FSTL5: variants seen among roughly 807,000 people sequenced by gnomAD.
FSTL5 encodes follistatin-related protein 5.
A neutral mutation model predicts 89.1 loss-of-function variants in FSTL5; 62 were observed. The ratio of observed to expected loss-of-function variants is 0.70; its 90% confidence interval spans 0.57 to 0.86. The LOEUF is 0.86. Ranked by LOEUF, FSTL5 falls within the 40% of genes least tolerant of loss-of-function variation. The pLI is 0.00. For missense variants in FSTL5, 1,057 were observed against 1,001.6 expected, an observed-to-expected ratio of 1.06 and a Z score of -0.75; for synonymous variants, 383 against 346.2, an observed-to-expected ratio of 1.11 and a Z score of -1.18.
At chr4:161,498,614 T>C (rs778239479) in intron 12 of FSTL5, among the ~76,000 whole-genome samples, 7 of 152,176 alleles carry the variant, frequency 4.6e-5, no homozygotes, top group Admixed American at 6.5e-5. Context: ...ATGTGTGTCG[T>C]TAGCTGCAAA....
chr4:161,872,356 G>T (rs975163318), intron 4 of FSTL5, among the ~76,000 whole-genome samples: 1 of 151,980 alleles, frequency 6.6e-6, no homozygotes, highest in East Asian at 1.9e-4. Flanking sequence ...ATATTGCTTA[G>T]TTGAAAAATA....
At position 161,508,786 on chromosome 4, in the gene FSTL5, G is replaced by C. The variant is rs1425039197; in HGVS notation, c.1339+1612C>G. Among the ~76,000 whole-genome samples the C allele has an allele frequency of 5.9e-5, 9 of 151,984 alleles. No homozygotes were observed. The East Asian group carries it at 1.7e-3, about 29-fold the overall frequency. ...TGATTTACATAGCACAGATTTGTGAGGTGAGTGCCAAATCTATTTCAAATA... is the reference window on the plus strand; with the variant it reads ...TGATTTACATAGCACAGATTTGTGACGTGAGTGCCAAATCTATTTCAAATA... On this transcript the variant is annotated intron_variant, in intron 11 of 15. Transcript: ENST00000306100.
At chr4:161,450,298 T>C (rs542914469) in intron 15 of FSTL5, among the ~76,000 whole-genome samples, 1 of 152,338 alleles carries the variant, frequency 6.6e-6, no homozygotes, top group African/African-American at 2.4e-5. Context: ...TAGTTGCACC[T>C]GCACAGCAAG....
chr4:161,487,760 A>T (rs1729729983), intron 12 of FSTL5, among the ~76,000 whole-genome samples: 1 of 152,084 alleles, frequency 6.6e-6, no homozygotes, highest in Admixed American at 6.6e-5. Context: ...ATTGCTGTAA[A>T]TTTTAAAAGT....
intron 3 of FSTL5, among the ~76,000 whole-genome samples, chr4:161,987,650 T>C (rs1207465954): frequency 1.3e-5 from 2 of 148,276 alleles, no homozygotes; most frequent in African/African-American, 2.4e-5. Context: ...ATATATTTTA[T>C]TGAAATATAT....
chr4:162,141,694 G>A (rs1169157025), intron 1 of FSTL5, among the ~76,000 whole-genome samples: 1 of 152,250 alleles, frequency 6.6e-6, no homozygotes, highest in East Asian at 1.9e-4. Context: ...GGCGGGAAGA[G>A]GAGAAGATAA....
intron 4 of FSTL5, among the ~76,000 whole-genome samples, chr4:161,900,195 A>AAAAAG (rs1269997338): frequency 6.6e-6 from 1 of 151,930 alleles, no homozygotes; most frequent in Non-Finnish European, 1.5e-5. Context: ...GCTCTGTCTC[A>AAAAAG]AAAAGAAAAG....
At position 161,598,124 on chromosome 4, in the gene FSTL5, C is replaced by A. The variant is rs1394276246; in HGVS notation, c.895-10549G>T. Among the ~76,000 whole-genome samples the A allele has an allele frequency of 2.6e-5, 4 of 152,248 alleles. No homozygotes were observed. The South Asian group carries it at 6.2e-4, about 24-fold the overall frequency. On this transcript the variant is annotated intron_variant, in intron 7 of 15. Transcript: ENST00000306100. The stretch of plus-strand genomic sequence containing the variant: ...CAATAGCTCATGGCTGTAATCCCAG[C>A]AGTTTGGGAGGTTGAGGCGGGTAGA...
chr4:161,391,233 T>C (rs977253256), intron 15 of FSTL5, among the ~76,000 whole-genome samples: 1 of 152,226 alleles, frequency 6.6e-6, no homozygotes, highest in African/African-American at 2.4e-5. Flanking sequence ...ATTTGTATTA[T>C]GGGAATTTTA....
chr4:161,691,174 A>C lies in FSTL5; in HGVS notation c.728-34680T>G, dbSNP rs1057506398. 4.0e-5 allele frequency among the ~76,000 whole-genome samples: 6 copies of C among 151,862 alleles called. No individual in the cohort carries two copies. The East Asian group carries it at 1.2e-3, about 29-fold the overall frequency. ...GTTTTTTTTTCTAAAAATTCTATAG[A>C]TTTAACTTTATTATTCAGTTCATTC... On this transcript the variant is annotated intron_variant, in intron 6 of 15. Coordinates refer to ENST00000306100, the MANE Select transcript of FSTL5 (RefSeq NM_020116.5).
At chr4:162,086,564 G>A (rs1730329763) in intron 2 of FSTL5, among the ~76,000 whole-genome samples, 1 of 151,674 alleles carries the variant, frequency 6.6e-6, no homozygotes, top group African/African-American at 2.4e-5. Context: ...TTGGAAAATT[G>A]ATGCCATCTA....
chr4:161,696,135 A>G (rs929024325), intron 6 of FSTL5, among the ~76,000 whole-genome samples: 7 of 152,174 alleles, frequency 4.6e-5, no homozygotes, highest in African/African-American at 9.7e-5. Context: ...TGATTTTTGT[A>G]TAAGGTGAAT....
In FSTL5 at chr4:161,888,721, A is replaced by T. The variant is rs906113708; in HGVS notation, c.409+31683T>A. On this transcript the variant is annotated intron_variant, in intron 4 of 15. Transcript: ENST00000306100. ...CAGTAATCAACTTTTATACTTTAGG[A>T]AGTCATGATTTGATTCTGTCTCTTC... 5.6e-4 allele frequency among the ~76,000 whole-genome samples: 85 copies of T among 152,112 alleles called. 1 individual carries two copies. Among genetic ancestry groups the T allele is most frequent in the Non-Finnish European group, 1.5e-4 (10 of 68,012 alleles).
At chr4:161,750,707 A>T (rs935372657) in intron 6 of FSTL5, among the ~76,000 whole-genome samples, 6 of 152,152 alleles carry the variant, frequency 3.9e-5, no homozygotes, top group South Asian at 2.1e-4. Flanking sequence ...TTTGCATTTT[A>T]AAAAATTTCT....
chr4:161,750,752 T>A (rs961230895), intron 6 of FSTL5, among the ~76,000 whole-genome samples: 1 of 152,104 alleles, frequency 6.6e-6, no homozygotes, highest in African/African-American at 2.4e-5. Context: ...TCTAAAAAGG[T>A]CTGAAAAACA....
intron 15 of FSTL5, among the ~76,000 whole-genome samples, chr4:161,435,996 T>C (rs978433311): frequency 1.3e-5 from 2 of 152,202 alleles, no homozygotes; most frequent in African/African-American, 4.8e-5. Flanking sequence ...TCTCTACCTA[T>C]AAGTTTCCTC....
chr4:162,048,248 AC>A (rs1303405111), intron 2 of FSTL5, among the ~76,000 whole-genome samples: 2 of 151,870 alleles, frequency 1.3e-5, no homozygotes, highest in Non-Finnish European at 2.9e-5. Context: ...AATTGCTTGA[AC>A]CTGGGAGGCG....
intron 4 of FSTL5, among the ~76,000 whole-genome samples, chr4:161,812,907 A>AAAAAAAAAT (rs1730203677): frequency 7.2e-6 from 1 of 138,254 alleles, no homozygotes; most frequent in Non-Finnish European, 1.6e-5. Context: ...AAAAAAAAAA[A>AAAAAAAAAT]GATTACGTTT....
At chr4:161,512,555 A>G (rs1463311542) in intron 10 of FSTL5, among the ~76,000 whole-genome samples, 1 of 152,110 alleles carries the variant, frequency 6.6e-6, no homozygotes, top group African/African-American at 2.4e-5. Flanking sequence ...GTATGATTCA[A>G]TTTCCAGATA....
Sources: allele counts gnomAD v4.1 joint callset (sites outside exome capture counted in the v4.1 genomes callset), GRCh38; gene constraint gnomAD v4.1.1; transcripts MANE v1.5; gene names NCBI Gene and HGNC (gene_info 2026-07-23, HGNC 2026-07-21).